SLC35D4: variants seen among roughly 807,000 people sequenced by gnomAD.
SLC35D4 encodes the protein UDP-N-acetylglucosamine transporter SLC35D4.
At chr18:23,267,491 C>T in the SLC35D4 span, among the ~76,000 whole-genome samples, 2 of 151,990 alleles carry the variant, frequency 1.3e-5, no homozygotes, top group Non-Finnish European at 2.9e-5. Flanking sequence ...CCCCAATCTT[C>T]TCAATAGGGA....
the SLC35D4 span, chr18:23,370,179 A>G: frequency 6.4e-7 from 1 of 1,567,438 alleles, no homozygotes; most frequent in South Asian, 1.2e-5. Context: ...AACAAGAGCT[A>G]AACTCCATCT....
the SLC35D4 span, among the ~76,000 whole-genome samples, chr18:23,265,604 C>T: frequency 1.3e-5 from 2 of 151,480 alleles, no homozygotes; most frequent in Non-Finnish European, 2.9e-5. Flanking sequence ...GCTACAATGA[C>T]CCTGGCCTTG....
At chr18:23,306,755 G>T in the SLC35D4 span, among the ~76,000 whole-genome samples, 2 of 152,228 alleles carry the variant, frequency 1.3e-5, no homozygotes, top group South Asian at 4.1e-4. Context: ...CCATGGGGGG[G>T]AAAAATCTGC....
At chr18:23,425,429 C>T in the SLC35D4 span, among the ~76,000 whole-genome samples, 1 of 152,192 alleles carries the variant, frequency 6.6e-6, no homozygotes, top group Non-Finnish European at 1.5e-5. Context: ...AGATGCTCTT[C>T]AACTTAGAAT....
chr18:23,246,597 T>A, the SLC35D4 span, among the ~76,000 whole-genome samples: 1 of 151,758 alleles, frequency 6.6e-6, no homozygotes, highest in Non-Finnish European at 1.5e-5. Context: ...TTCACCGTGT[T>A]AGCCAGGATG....
the SLC35D4 span, among the ~76,000 whole-genome samples, chr18:23,356,099 T>TA: frequency 6.6e-6 from 1 of 152,192 alleles, no homozygotes; most frequent in South Asian, 2.1e-4. The surrounding 1 kb of genome is among the most constrained non-coding windows in gnomAD (Gnocchi z 4.1). Context: ...CCTGGTTGTC[T>TA]AGACATCTCC....
At chr18:23,384,877 C>T in the SLC35D4 span, 11 of 866,580 alleles carry the variant, frequency 1.3e-5, no homozygotes, top group South Asian at 1.7e-4. Flanking sequence ...GGTAATCTTG[C>T]CTGGAGATTG....
the SLC35D4 span, chr18:23,352,411 G>T: frequency 4.4e-6 from 3 of 680,978 alleles, no homozygotes; most frequent in South Asian, 3.0e-5. Flanking sequence ...CCTCATCTGT[G>T]TTTTCTAGAT....
At chr18:23,262,561 TG>T in the SLC35D4 span, among the ~76,000 whole-genome samples, 1 of 152,248 alleles carries the variant, frequency 6.6e-6, no homozygotes, top group Non-Finnish European at 1.5e-5. Context: ...CTGGGTTCTG[TG>T]GGCTTCCTGA....
chr18:23,432,213 T>A, the SLC35D4 span, among the ~76,000 whole-genome samples: 1 of 152,334 alleles, frequency 6.6e-6, no homozygotes, highest in East Asian at 1.9e-4. Flanking sequence ...TTTAGTTTAC[T>A]GTGTGCTTAG....
At chr18:23,396,872 A>T in the SLC35D4 span, among the ~76,000 whole-genome samples, 4 of 152,144 alleles carry the variant, frequency 2.6e-5, no homozygotes, top group African/African-American at 4.8e-5. Context: ...TGCAAAAAAA[A>T]AAAGCCAGCT....
the SLC35D4 span, among the ~76,000 whole-genome samples, chr18:23,357,710 C>T: frequency 1.3e-5 from 2 of 152,220 alleles, no homozygotes; most frequent in Non-Finnish European, 1.5e-5. Flanking sequence ...CCTATGCTTT[C>T]TTGGAGACCC....
At chr18:23,288,014 C>T in the SLC35D4 span, among the ~76,000 whole-genome samples, 2 of 152,206 alleles carry the variant, frequency 1.3e-5, no homozygotes, top group African/African-American at 4.8e-5. Flanking sequence ...TTCTTCCTCA[C>T]ACCTGAAGCA....
At chr18:23,254,274 G>A in the SLC35D4 span, among the ~76,000 whole-genome samples, 21 of 152,328 alleles carry the variant, frequency 1.4e-4, no homozygotes, top group African/African-American at 4.6e-4. Context: ...AGCATCTAAT[G>A]TCAAACAGGT....
chr18:23,376,124 CT>C, the SLC35D4 span, among the ~76,000 whole-genome samples: 1 of 152,236 alleles, frequency 6.6e-6, no homozygotes, highest in Admixed American at 6.5e-5. Flanking sequence ...AATGTTTTCA[CT>C]TTCAGGGAAC....
chr18:23,291,881 C>G, the SLC35D4 span, among the ~76,000 whole-genome samples: 1 of 151,898 alleles, frequency 6.6e-6, no homozygotes, highest in African/African-American at 2.4e-5. Context: ...TGCTTCTCTC[C>G]GGGCTGGGCT....
chr18:23,373,597 T>C, the SLC35D4 span: 132 of 1,202,498 alleles, frequency 1.1e-4, no homozygotes, highest in Middle Eastern at 2.1e-3. Context: ...GGAATGCTTC[T>C]GCATAGGCCA....
the SLC35D4 span, among the ~76,000 whole-genome samples, chr18:23,347,882 A>C: frequency 6.6e-6 from 1 of 152,256 alleles, no homozygotes; most frequent in East Asian, 1.9e-4. Flanking sequence ...GCTTACTCTG[A>C]ATTTAGTTTG....
At chr18:23,405,182 T>C in the SLC35D4 span, among the ~76,000 whole-genome samples, 1 of 151,938 alleles carries the variant, frequency 6.6e-6, no homozygotes. Context: ...AATAAATTTC[T>C]GTTGTTTATT....
Sources: gnomAD v4.1 joint callset for allele counts (sites outside exome capture counted in the v4.1 genomes callset) on GRCh38, gnomAD v4.1.1 for gene constraint, Gnocchi (gnomAD v3.1) non-coding constraint, MANE v1.5 for transcripts, NCBI Gene and HGNC (gene_info 2026-07-23, HGNC 2026-07-21) for gene names.